ATP2B3: variants seen among roughly 807,000 people sequenced by gnomAD.
ATP2B3 encodes the protein ATPase plasma membrane Ca2+ transporting 3, also known as plasma membrane calcium-transporting ATPase 3.
A neutral mutation model predicts 70.8 loss-of-function variants in ATP2B3; 12 were observed. The observed-to-expected ratio is 0.17, with a 90% CI of 0.11 to 0.27. The LOEUF (loss-of-function observed/expected upper bound fraction) is 0.27, where lower values mean the gene tolerates loss of function less well. Ranked by LOEUF, ATP2B3 falls within the 10% of genes least tolerant of loss-of-function variation. ATP2B3 has a pLI of 1.00. For synonymous variants in ATP2B3, 460 were observed against 497.8 expected (o/e 0.92, Z 1.01); for missense variants, 858 against 1,118.5 (o/e 0.77, Z 3.32).
chrX:153,548,069 G>T, intron 9 of ATP2B3, 70 bp downstream of exon 9: 1 of 1,134,866 alleles, frequency 8.8e-7, no homozygotes, highest in Non-Finnish European at 1.2e-6. Flanking sequence ...TCCTGGAGAT[G>T]AGCCCAGGCT....
chrX:153,545,149 G>A (rs2090346100), intron 7 of ATP2B3, among the ~76,000 whole-genome samples: 1 of 112,869 alleles, frequency 8.9e-6, no homozygotes, highest in South Asian at 3.6e-4. Flanking sequence ...CAACTGCCTG[G>A]GAGTGCAGAT....
chrX:153,577,594 C>T (rs782365440), intron 21 of ATP2B3, among the ~76,000 whole-genome samples: 2 of 112,183 alleles, frequency 1.8e-5, no homozygotes, highest in African/African-American at 3.2e-5. Flanking sequence ...TCATTAAAAA[C>T]GTCAAATTAT....
intron 19 of ATP2B3, among the ~76,000 whole-genome samples, 198 bp downstream of exon 19, chrX:153,561,085 G>A (rs1391067158): frequency 2.7e-5 from 3 of 111,856 alleles, no homozygotes; most frequent in African/African-American, 9.8e-5. Context: ...AAACATTGCC[G>A]GCCTTGCCCT....
chrX:153,539,455 G>A (rs933160096), intron 3 of ATP2B3, among the ~76,000 whole-genome samples: 2 of 112,814 alleles, frequency 1.8e-5, no homozygotes, highest in African/African-American at 3.2e-5. Context: ...GTTCCACTGC[G>A]GCCAGGGCTA....
At chrX:153,578,409 C>T (rs782400763) in intron 21 of ATP2B3, among the ~76,000 whole-genome samples, 13 of 113,057 alleles carry the variant, frequency 1.1e-4, no homozygotes, top group East Asian at 8.4e-4. Flanking sequence ...CTACCATTGG[C>T]GGCTGTGCTG....
At chrX:153,534,103 T>C (rs2090154995) in intron 2 of ATP2B3, among the ~76,000 whole-genome samples, 1 of 110,796 alleles carries the variant, frequency 9.0e-6, no homozygotes, top group African/African-American at 3.3e-5. Context: ...TGCTACATGG[T>C]GGGATTGTTG....
chrX:153,534,626 T>C (rs1190228764), intron 2 of ATP2B3, among the ~76,000 whole-genome samples: 1 of 112,599 alleles, frequency 8.9e-6, no homozygotes, highest in Non-Finnish European at 1.9e-5. Flanking sequence ...AGGCATGTAG[T>C]AGCTGCTCGG....
intron 3 of ATP2B3, among the ~76,000 whole-genome samples, chrX:153,538,587 C>T (rs1340687440): frequency 8.9e-6 from 1 of 112,877 alleles, no homozygotes; most frequent in African/African-American, 3.2e-5. Context: ...AAGGAGGGGG[C>T]GGATTCGCTG....
At chrX:153,528,362 G>T (rs2090065351) in intron 2 of ATP2B3, among the ~76,000 whole-genome samples, 1 of 111,897 alleles carries the variant, frequency 8.9e-6, no homozygotes, top group East Asian at 2.8e-4. Context: ...ATGCTATAGA[G>T]GCTGCTGGCA....
chrX:153,553,424 G>A (rs782097712), intron 13 of ATP2B3, among the ~76,000 whole-genome samples, 155 bp downstream of exon 13: 5 of 111,571 alleles, frequency 4.5e-5, no homozygotes, highest in African/African-American at 9.8e-5. Flanking sequence ...CCTGACACCC[G>A]CACAAAGGCT....
intron 21 of ATP2B3, among the ~76,000 whole-genome samples, chrX:153,567,173 C>T (rs1209089377): frequency 2.6e-5 from 3 of 113,462 alleles, no homozygotes; most frequent in African/African-American, 6.4e-5. Flanking sequence ...TCCCCTCCCA[C>T]GTGCAGGGGC....
At chrX:153,546,568 GGCCCGGCTCTCCTCTCA>G (rs2090369567) in intron 8 of ATP2B3, among the ~76,000 whole-genome samples, 1 of 113,383 alleles carries the variant, frequency 8.8e-6, no homozygotes, top group African/African-American at 3.2e-5. Flanking sequence ...GAGGGCCAGA[GGCCCGGCTCTCCTCTCA>G]GCCCCGGACA....
rs1484064779 is a variant in ATP2B3, at chrX:153,518,570, C to G, written c.-127+19C>G. 8.9e-6 allele frequency among the ~76,000 whole-genome samples: 1 copy of G among 112,061 alleles called. No homozygotes were observed. Among genetic ancestry groups the G allele is most frequent in the African/African-American group, 3.2e-5 (1 of 30,847 alleles). ...ATGGCAGGTGCGGCATCTCCCAGAG[C>G]CTGAGACGATGGGCTTCTCTCTCTG... is the stretch of plus-strand genomic sequence containing the variant. On this transcript the variant is annotated intron_variant, in intron 2 of 21. Coordinates refer to ENST00000263519, the MANE Select transcript of ATP2B3 (RefSeq NM_001001344.3).
intron 21 of ATP2B3, among the ~76,000 whole-genome samples, chrX:153,568,212 C>A (rs2090738302): frequency 8.9e-6 from 1 of 111,968 alleles, no homozygotes; most frequent in South Asian, 3.7e-4. Context: ...GAACATGTAG[C>A]TTTCTGAAGC....
rs974862993 is a variant in ATP2B3, at chrX:153,560,591, G to C, written c.2840-85G>C. On this transcript the variant is annotated intron_variant, in intron 18 of 21. Coordinates refer to ENST00000263519, the MANE Select transcript of ATP2B3 (RefSeq NM_001001344.3). ...TCCCCTGGGACAAGGGACCCATCTC[G>C]GGAGCTACACACCGAAGTCTCGCTC... 5.8e-5 allele frequency: 60 copies of C among 1,030,254 alleles called. No homozygotes were observed. The South Asian group carries it at 1.1e-3, about 20-fold the overall frequency. The allele number at this position is 1,030,254 out of a possible 1,213,427, so 84.9% of individuals were successfully genotyped here.
chrX:153,556,795 A>C (rs1217109315), intron 15 of ATP2B3, 122 bp from the exon 16 acceptor site: 2 of 663,557 alleles, frequency 3.0e-6, no homozygotes, highest in African/African-American at 2.2e-5. Flanking sequence ...TGGGACAGTC[A>C]GGACGGGGTA....
At chrX:153,521,030 C>T (rs1022990247) in intron 2 of ATP2B3, among the ~76,000 whole-genome samples, 2 of 113,267 alleles carry the variant, frequency 1.8e-5, no homozygotes, top group African/African-American at 6.4e-5. Context: ...CCCGGAAGCA[C>T]TGGCAGTGCA....
rs2090931584 is a variant in ATP2B3 at position 153,582,582 on chromosome X, G to T, written c.*2284G>T. ...AAGTTGCCTAATGTAAATGTCTATT[G>T]TTTAGTCCCTAGGTCACCTTTGTGC... On this transcript the variant is annotated 3_prime_UTR_variant, in exon 22 of 22. Coordinates refer to ENST00000263519, the MANE Select transcript of ATP2B3 (RefSeq NM_001001344.3). 8.9e-6 allele frequency: 1 copy of T among 112,656 alleles called. No homozygotes were observed. Among genetic ancestry groups the T allele is most frequent in the Non-Finnish European group, 1.9e-5 (1 of 53,299 alleles). The allele number at this position is 112,656 out of a possible 1,213,427, so 9.3% of individuals were successfully genotyped here.
At chrX:153,548,483 G>A (rs781996791) in intron 9 of ATP2B3, among the ~76,000 whole-genome samples, 157 bp from the exon 10 acceptor site, 1 of 111,779 alleles carries the variant, frequency 8.9e-6, no homozygotes, top group East Asian at 2.9e-4. Flanking sequence ...CACCTGCTGA[G>A]CCAAACCTGG....
Sources: gnomAD v4.1 joint callset for allele counts (sites outside exome capture counted in the v4.1 genomes callset) on GRCh38, gnomAD v4.1.1 for gene constraint, MANE v1.5 for transcripts, NCBI Gene and HGNC (gene_info 2026-07-23, HGNC 2026-07-21) for gene names.